Variants in SAMMSON observed in about 807,000 individuals in gnomAD.
SAMMSON encodes the protein survival associated mitochondrial melanoma specific oncogenic non-coding RNA, also known as long intergenic non-protein coding RNA 1212.
In SAMMSON at chr3:70,099,222, G is replaced by C. The variant is rs145679412; in HGVS notation, n.507+27657G>C. Among the ~76,000 whole-genome samples, 828 of 152,152 alleles carry C rather than the reference G, an allele frequency of 5.4e-3. 9 individuals carry two copies. The highest frequency in any genetic ancestry group is 0.019 in the African/African-American group (788 of 41,504). On this transcript the variant is annotated intron_variant and non_coding_transcript_variant, in intron 4 of 9. Coordinates refer to ENST00000642114, the Ensembl canonical transcript of SAMMSON. ...CACAAATATTATATTTATTTCTAAG[G>C]TCTATTACAAAAAGGTGAATTGTTG...
chr3:70,384,350 A>G (rs191535362), intron 9 of SAMMSON, among the ~76,000 whole-genome samples: 11 of 152,220 alleles, frequency 7.2e-5, no homozygotes, highest in Admixed American at 3.3e-4. Context: ...ATAGGAAGGC[A>G]TCAAAGCCTG....
chr3:70,247,635 T>C (rs1458906397), intron 4 of SAMMSON, among the ~76,000 whole-genome samples: 1 of 151,990 alleles, frequency 6.6e-6, no homozygotes, highest in African/African-American at 2.4e-5. Context: ...TCAGAATTTA[T>C]GACTCTAATA....
At chr3:70,206,625 TG>T in intron 4 of SAMMSON, 1 of 397,912 alleles carries the variant, frequency 2.5e-6, no homozygotes, top group Non-Finnish European at 4.4e-6. Context: ...AAATGTTGTT[TG>T]GCATTCTTCA....
At chr3:70,335,873 A>G (rs2106725157) in intron 7 of SAMMSON, among the ~76,000 whole-genome samples, 1 of 152,098 alleles carries the variant, frequency 6.6e-6, no homozygotes, top group African/African-American at 2.4e-5. Context: ...AATCTTTCCC[A>G]TTATGCTGTT....
At chr3:70,296,128 T>C (rs957466424) in intron 7 of SAMMSON, among the ~76,000 whole-genome samples, 4 of 152,158 alleles carry the variant, frequency 2.6e-5, no homozygotes, top group Non-Finnish European at 5.9e-5. Context: ...GAAAGCCTTT[T>C]TTATCAGTAC....
At chr3:70,386,092 C>A (rs1015734487) in intron 9 of SAMMSON, among the ~76,000 whole-genome samples, 3 of 152,206 alleles carry the variant, frequency 2.0e-5, no homozygotes, top group Admixed American at 1.3e-4. Context: ...GCTTTGGGAG[C>A]AGTATAGCAT....
chr3:70,417,241 C>T (rs1284519894), intron 2 of SAMMSON, among the ~76,000 whole-genome samples: 2 of 152,138 alleles, frequency 1.3e-5, no homozygotes, highest in Admixed American at 6.5e-5. Flanking sequence ...AGCCTACTGC[C>T]TAGAACCGTC....
chr3:70,249,697 C>T (rs1015308718), intron 6 of SAMMSON: 5 of 152,126 alleles, frequency 3.3e-5, no homozygotes, highest in South Asian at 4.1e-4. Context: ...ATTTATTTCC[C>T]GCCTTCCCCT....
intron 7 of SAMMSON, among the ~76,000 whole-genome samples, chr3:70,310,809 T>G (rs1575622808): frequency 6.6e-6 from 1 of 152,234 alleles, no homozygotes; most frequent in East Asian, 1.9e-4. Flanking sequence ...ACGAGTAACT[T>G]AAACATTTTT....
rs146369469 is a variant in SAMMSON, at chr3:70,250,876, G to A, written n.674+1206G>A. Among the ~76,000 whole-genome samples, 55 of 152,136 alleles carry A rather than the reference G, an allele frequency of 3.6e-4. 1 individual carries two copies. In the East Asian group the frequency reaches 8.5e-3, roughly 23 times the overall value. On this transcript the variant is annotated intron_variant and non_coding_transcript_variant, in intron 6 of 9. Transcript: ENST00000642114. ...GGGCAGACTGTCAAATAGTAAGAAG[G>A]CTTCATCAAAAATATATAGTACATT...
At chr3:70,339,122 G>A (rs1277569994) in intron 7 of SAMMSON, among the ~76,000 whole-genome samples, 1 of 152,136 alleles carries the variant, frequency 6.6e-6, no homozygotes, top group African/African-American at 2.4e-5. Context: ...TCTGATCTTT[G>A]AGAATCCTGA....
chr3:70,391,977 T>G (rs1701052661), downstream of SAMMSON, among the ~76,000 whole-genome samples: 3 of 152,162 alleles, frequency 2.0e-5, no homozygotes, highest in South Asian at 6.2e-4. Flanking sequence ...TCACGAGAAC[T>G]CTACTATCTG....
At chr3:70,150,541 AGT>A (rs2067567227) in intron 4 of SAMMSON, among the ~76,000 whole-genome samples, 1 of 152,016 alleles carries the variant, frequency 6.6e-6, no homozygotes, top group Admixed American at 6.6e-5. Flanking sequence ...GTTGAACCAT[AGT>A]TGGCTTTGTT....
exon 8 of SAMMSON, chr3:70,354,233 G>A (rs1241519952): frequency 6.6e-6 from 1 of 152,170 alleles, no homozygotes; most frequent in African/African-American, 2.4e-5. Context: ...TCTATGGTAT[G>A]TCTTACAACT....
intron 4 of SAMMSON, among the ~76,000 whole-genome samples, chr3:70,083,912 G>A (rs763080665): frequency 2.0e-5 from 3 of 152,052 alleles, no homozygotes; most frequent in Non-Finnish European, 4.4e-5. Context: ...TAGGAGCTCC[G>A]TAAATAAGGG....
rs138495867 is a variant in SAMMSON, at chr3:70,338,370, C to T, written n.740-15805C>T. On this transcript the variant is annotated intron_variant and non_coding_transcript_variant, in intron 7 of 9. Transcript: ENST00000642114. ...AGATTCAAGTCCAAGTTTTGGTATG[C>T]TCTAGATAGATGATTGTGCAGAAGA... Among the ~76,000 whole-genome samples, 775 of 152,028 alleles carry T rather than the reference C, an allele frequency of 5.1e-3. 6 individuals carry two copies. The highest frequency in any genetic ancestry group is 0.017 in the African/African-American group (714 of 41,482).
chr3:70,018,593 C>G (rs1186616211), intron 3 of SAMMSON, among the ~76,000 whole-genome samples: 9 of 152,066 alleles, frequency 5.9e-5, no homozygotes, highest in Admixed American at 5.9e-4. Context: ...CAGTTCTGCT[C>G]TGGTTTTAGT....
At chr3:70,275,836 T>G (rs1270448186) in intron 6 of SAMMSON, among the ~76,000 whole-genome samples, 2 of 152,230 alleles carry the variant, frequency 1.3e-5, no homozygotes, top group African/African-American at 4.8e-5. Flanking sequence ...AGAACTTTTC[T>G]GCTAAAATAT....
At chr3:70,253,802 C>A (rs914407361) in intron 6 of SAMMSON, among the ~76,000 whole-genome samples, 9 of 152,124 alleles carry the variant, frequency 5.9e-5, no homozygotes, top group African/African-American at 2.2e-4. Context: ...CTCAATAAGA[C>A]TATACCATAA....
Sources: allele counts gnomAD v4.1 joint callset (sites outside exome capture counted in the v4.1 genomes callset), GRCh38; gene constraint gnomAD v4.1.1; transcripts MANE v1.5; gene names NCBI Gene and HGNC (gene_info 2026-07-23, HGNC 2026-07-21).